The following ATP13A3 variants were observed in gnomAD, a reference collection of about 807,000 sequenced individuals.
ATP13A3 encodes polyamine-transporting ATPase 13A3.
ATP13A3 carries 59 observed loss-of-function variants against 158.1 expected under a neutral mutation model. The ratio of observed to expected loss-of-function variants is 0.37; its 90% CI spans 0.30 to 0.46. ATP13A3 has a LOEUF of 0.46. Among genes scored for constraint, ATP13A3 ranks in the 20% least tolerant of loss-of-function variants. The probability of loss-of-function intolerance (pLI) is 1.00; values close to 1 mark genes in which losing one functional copy is unlikely to be tolerated. For synonymous variants in ATP13A3, 491 were observed against 504.3 expected (o/e 0.97, Z 0.35); for missense variants, 1,166 against 1,525.2 (o/e 0.76, Z 3.92).
chr3:194,404,042 C>T lies in ATP13A3; in HGVS notation c.*1877G>A. On this transcript the variant is annotated 3_prime_UTR_variant, in exon 34 of 34. Coordinates refer to ENST00000645319, the MANE Select transcript of ATP13A3 (RefSeq NM_001367549.1). ...TTCATTATATGCTTCAGTACTTAAACCAAAGAATAAAATGCACAATTGTGG... is the reference window on the plus strand; with the variant it reads ...TTCATTATATGCTTCAGTACTTAAATCAAAGAATAAAATGCACAATTGTGG... 6.9e-6 allele frequency: 3 copies of T among 432,322 alleles called. No homozygotes were observed. The highest frequency in any genetic ancestry group is 1.4e-5 in the Non-Finnish European group (3 of 218,690). 26.8% of individuals were successfully genotyped at this position (432,322 alleles called of 1,614,324 possible).
intron 20 of ATP13A3, 103 bp downstream of exon 20, chr3:194,436,992 T>G: frequency 7.5e-7 from 1 of 1,331,070 alleles, no homozygotes; most frequent in Non-Finnish European, 1.0e-6. Context: ...AGATATCTTT[T>G]CATACATTCA....
intron 6 of ATP13A3, chr3:194,459,170 C>A: frequency 3.1e-6 from 1 of 325,166 alleles, no homozygotes; most frequent in Non-Finnish European, 5.7e-6. Flanking sequence ...GAGACACAGG[C>A]TATGAGGTAT....
chr3:194,417,525 C>CT (rs1189257235), intron 31 of ATP13A3, among the ~76,000 whole-genome samples: 10 of 151,868 alleles, frequency 6.6e-5, no homozygotes, highest in Admixed American at 3.9e-4. Flanking sequence ...AGGAGTCCTA[C>CT]CCAAGCATGT....
chr3:194,415,855 A>G (rs1353262074), intron 31 of ATP13A3, among the ~76,000 whole-genome samples: 2 of 151,946 alleles, frequency 1.3e-5, no homozygotes, highest in East Asian at 3.9e-4. Context: ...GACTAAACAA[A>G]TTACTAAAAA....
rs1718039206 is a variant in ATP13A3, at chr3:194,441,364, C to G, written c.1657G>C (p.Gly553Arg). 6.2e-7 allele frequency: 1 copy of G among 1,613,744 alleles called. No homozygotes were observed. The highest frequency in any genetic ancestry group is 1.3e-5 in the African/African-American group (1 of 75,024). ...TCAAGTGGATCACCAGAGAGCACTCCTTCAATTTTTGTAAGTGAATGACAA... is the reference window on the plus strand; with the variant it reads ...TCAAGTGGATCACCAGAGAGCACTCGTTCAATTTTTGTAAGTGAATGACAA... ...ATCHSLTKIE[G>R]VLSGDPLDLK... The change falls in exon 16 of 34, where the codon GGA (glycine) becomes CGA (arginine). Residue 553 changes from glycine to arginine, a missense_variant. This residue lies in a region of ATP13A3 where 997 missense variants were observed against 1,341.2 expected (regional missense o/e 0.74). Transcript: ENST00000645319.
Position 194,405,028 on chromosome 3 carries a change from A to G in ATP13A3, c.*891T>C, listed in dbSNP as rs1426636469. On this transcript the variant is annotated 3_prime_UTR_variant, in exon 34 of 34. Transcript: ENST00000645319. ...GTCTTTAGGTAATTGAAAACATAGA[A>G]GAAAATTTTAAAAAACCATTTAAAA... 1 of 152,248 alleles carries G rather than the reference A, an allele frequency of 6.6e-6. No individual in the cohort carries two copies. Among genetic ancestry groups the G allele is most frequent in the East Asian group, 1.9e-4 (1 of 5,202 alleles). 9.4% of individuals were successfully genotyped at this position (152,248 alleles called of 1,614,324 possible).
At chr3:194,446,830 G>T in intron 14 of ATP13A3, 97 bp downstream of exon 14, 1 of 1,164,416 alleles carries the variant, frequency 8.6e-7, no homozygotes, top group Non-Finnish European at 1.2e-6. Flanking sequence ...ATGACAGAAT[G>T]TGTCCAAATT....
At chr3:194,467,585 AC>A (rs1285814612) in intron 2 of ATP13A3, among the ~76,000 whole-genome samples, 3 of 152,206 alleles carry the variant, frequency 2.0e-5, no homozygotes, top group Non-Finnish European at 4.4e-5. Flanking sequence ...AATATATTAT[AC>A]ACCTCAAAGG....
intron 2 of ATP13A3, among the ~76,000 whole-genome samples, chr3:194,492,845 G>T (rs1275563120): frequency 6.6e-6 from 1 of 152,086 alleles, no homozygotes; most frequent in Non-Finnish European, 1.5e-5. Flanking sequence ...TTATTGTGTT[G>T]TTATTGTATT....
At chr3:194,431,916 G>GT in intron 21 of ATP13A3, 24 bp from the exon 22 acceptor site, 1 of 1,521,166 alleles carries the variant, frequency 6.6e-7, no homozygotes, top group South Asian at 1.3e-5. Flanking sequence ...TATTTTAAAT[G>GT]TATTGAAATT....
rs552099105 is a variant in ATP13A3, at chr3:194,419,866, G to A, written c.3402+13C>T. On this transcript the variant is annotated intron_variant, in intron 31 of 33. Transcript: ENST00000645319. ...GTCTTTTTCCCCAAACAAATGATGT[G>A]CTTAAGTCTTACCTGAAGAACCTGG... The A allele has an allele frequency of 1.9e-5, 29 of 1,559,880 alleles. No homozygotes were observed. The African/African-American group carries it at 3.7e-4, about 20-fold the overall frequency.
intron 22 of ATP13A3, among the ~76,000 whole-genome samples, chr3:194,431,431 G>A (rs1211119297): frequency 1.3e-5 from 2 of 152,064 alleles, no homozygotes; most frequent in East Asian, 1.9e-4. Flanking sequence ...GAGTATGATG[G>A]ACCACCTGCA....
rs963237226 is a variant in ATP13A3 at position 194,417,274 on chromosome 3, T to C, written c.3402+2605A>G. Among the ~76,000 whole-genome samples the C allele has an allele frequency of 3.3e-5, 5 of 151,878 alleles. No individual in the cohort carries two copies. In the East Asian group the frequency reaches 5.8e-4, roughly 18 times the overall value. The stretch of plus-strand genomic sequence containing the variant: ...CATCTCTACTAAGAATAGAAAAAAT[T>C]AGAGCCAGGCGTTGTGGCAGGTGCC... On this transcript the variant is annotated intron_variant, in intron 31 of 33. Transcript: ENST00000645319.
At chr3:194,426,007 T>C (rs1716743504) in intron 29 of ATP13A3, among the ~76,000 whole-genome samples, 1 of 152,256 alleles carries the variant, frequency 6.6e-6, no homozygotes, top group Non-Finnish European at 1.5e-5. Context: ...CAGCTATGGC[T>C]GTCCCTCATT....
chr3:194,465,938 C>A (rs560853516), intron 2 of ATP13A3, among the ~76,000 whole-genome samples: 4 of 151,586 alleles, frequency 2.6e-5, no homozygotes, highest in Non-Finnish European at 5.9e-5. Context: ...GCCAAGATCA[C>A]GCCACTGCAC....
chr3:194,444,975 A>G (rs918615553), intron 14 of ATP13A3, among the ~76,000 whole-genome samples, 189 bp from the exon 15 acceptor site: 8 of 152,194 alleles, frequency 5.3e-5, no homozygotes, highest in African/African-American at 1.7e-4. Flanking sequence ...ACATATGGTT[A>G]AAGTGGGAGA....
At chr3:194,478,331 C>T (rs751685320) in intron 2 of ATP13A3, among the ~76,000 whole-genome samples, 2 of 151,470 alleles carry the variant, frequency 1.3e-5, no homozygotes, top group African/African-American at 2.4e-5. Flanking sequence ...AAAATGGTGA[C>T]CAATGGCACC....
rs746245332 is a variant in ATP13A3 at position 194,448,644 on chromosome 3, AAAC to A, written c.971-11_971-9del. ...TCACTGGAACACTTTCTCCTTTAAA[AAAC>A]AACAACAACAACAAAAACAGTTTAC... On this transcript the variant is annotated splice_polypyrimidine_tract_variant and intron_variant, in intron 11 of 33. Coordinates refer to ENST00000645319, the MANE Select transcript of ATP13A3 (RefSeq NM_001367549.1). The surrounding 1 kb of genome is among the most constrained non-coding windows in gnomAD (Gnocchi z 4.0). 85 of 1,603,198 alleles carry A rather than the reference AAAC, an allele frequency of 5.3e-5. 1 individual carries two copies. The highest frequency in any genetic ancestry group is 1.9e-4 in the Admixed American group (11 of 57,996).
intron 20 of ATP13A3, among the ~76,000 whole-genome samples, chr3:194,435,628 G>A (rs1170406947): frequency 6.6e-6 from 1 of 152,164 alleles, no homozygotes; most frequent in East Asian, 1.9e-4. Context: ...ACTATAGGCA[G>A]CCGGGTGCAG....
Sources: gnomAD v4.1 joint callset for allele counts (sites outside exome capture counted in the v4.1 genomes callset) on GRCh38, gnomAD v4.1.1 for gene constraint, gnomAD v4.1.1 regional missense constraint, Gnocchi (gnomAD v3.1) non-coding constraint, MANE v1.5 for transcripts, NCBI Gene and HGNC (gene_info 2026-07-23, HGNC 2026-07-21) for gene names.